The following PAK1IP1 variants were observed in gnomAD, a reference collection of about 807,000 sequenced individuals.
PAK1IP1 encodes the protein PAK1 interacting protein 1, also known as p21-activated protein kinase-interacting protein 1.
In PAK1IP1, 24 loss-of-function variants were observed where a neutral mutation model predicts 42.0. That is an observed-to-expected ratio of 0.57 (90% CI 0.41 to 0.80). PAK1IP1 has a LOEUF of 0.80. PAK1IP1 is among the 30% of genes least tolerant of loss of function. The pLI is 0.00. For synonymous variants in PAK1IP1, 154 were observed against 156.7 expected (o/e 0.98, Z 0.13); for missense variants, 411 against 467.9 (o/e 0.88, Z 1.12).
Position 10,702,469 on chromosome 6 carries a change from G to A in PAK1IP1, c.348G>A (p.Leu116=). The part of the protein sequence containing the change: ...CIWDAKKWEC[L]KSIKAHKGQV... ...GGGATGCAAAGAAATGGGAATGCCT[G>A]AAGTCAATTAAAGCTCACAAGTGAG... is the stretch of plus-strand genomic sequence containing the variant. Residue 116 remains leucine, a synonymous_variant, in exon 3 of 10, where the codon CTG becomes CTA. Transcript: ENST00000379568. The A allele has an allele frequency of 6.2e-7, 1 of 1,614,156 alleles. No homozygotes were observed. Among genetic ancestry groups the A allele is most frequent in the South Asian group, 1.1e-5 (1 of 91,076 alleles).
chr6:10,698,854 G>A (rs1769938896), intron 2 of PAK1IP1, among the ~76,000 whole-genome samples: 1 of 152,238 alleles, frequency 6.6e-6, no homozygotes, highest in African/African-American at 2.4e-5. Flanking sequence ...TGAGTTACAA[G>A]AGAATTAAGA....
chr6:10,702,273 T>C (rs765808210), intron 2 of PAK1IP1, 96 bp from the exon 3 acceptor site: 4 of 939,744 alleles, frequency 4.3e-6, no homozygotes, highest in Non-Finnish European at 6.5e-6. Context: ...AAAAAAGGTA[T>C]TGAGTGTTTT....
upstream of PAK1IP1, chr6:10,694,476 A>C (rs182850994): frequency 1.2e-3 from 183 of 155,026 alleles, no homozygotes; most frequent in East Asian, 0.011. Flanking sequence ...CGCGAACCCT[A>C]ATCCCACCCC....
chr6:10,694,588 TACAGC>T, upstream of PAK1IP1: 1 of 176,920 alleles, frequency 5.7e-6, no homozygotes, highest in Non-Finnish European at 1.2e-5. Context: ...CTGCCGGCGC[TACAGC>T]CCCTAAGCAA....
upstream of PAK1IP1, among the ~76,000 whole-genome samples, chr6:10,692,258 G>A (rs1769385716): frequency 6.6e-6 from 1 of 152,190 alleles, no homozygotes; most frequent in African/African-American, 2.4e-5. Context: ...AAGATAAAAT[G>A]TGAAACTTAC....
Position 10,704,492 on chromosome 6 carries a change from T to A in PAK1IP1, c.497-15T>A. 1 of 1,505,166 alleles carries A rather than the reference T, an allele frequency of 6.6e-7. No individual in the cohort carries two copies. The highest frequency in any genetic ancestry group is 9.0e-7 in the Non-Finnish European group (1 of 1,113,844). 93.2% of individuals were successfully genotyped at this position (1,505,166 alleles called of 1,614,324 possible). ...ATTTACAAAATAAATAAACTTCGTT[T>A]TTTTCCACTTACAGATGCTCACATA... On this transcript the variant is annotated splice_polypyrimidine_tract_variant and intron_variant, in intron 5 of 9. Transcript: ENST00000379568.
chr6:10,694,494 C>G (rs1311072909), upstream of PAK1IP1: 2 of 156,752 alleles, frequency 1.3e-5, no homozygotes. Context: ...CCCTCCTTAC[C>G]CTATTAACGA....
upstream of PAK1IP1, among the ~76,000 whole-genome samples, chr6:10,691,834 GT>G (rs530591718): frequency 6.6e-6 from 1 of 151,134 alleles, no homozygotes; most frequent in Non-Finnish European, 1.5e-5. Flanking sequence ...AAGTTTTGGG[GT>G]TTTTTTTTCT....
chr6:10,704,909 A>G, intron 7 of PAK1IP1, 65 bp downstream of exon 7: 1 of 952,038 alleles, frequency 1.1e-6, no homozygotes, highest in East Asian at 2.4e-5. Flanking sequence ...CAGTAGTTTC[A>G]TAAGCCAGGT....
In PAK1IP1 at chr6:10,709,077, G is replaced by A; in HGVS notation, c.964+1G>A. 6.2e-7 allele frequency: 1 copy of A among 1,608,832 alleles called. No individual in the cohort carries two copies. The highest frequency in any genetic ancestry group is 8.5e-7 in the Non-Finnish European group (1 of 1,178,416). Reference sequence around the variant, plus strand: ...CCTCCAGCTGCAGAGCCTTCTCCTGGTAATCGAATTTGATTGTTTTGAAAT... The same window carrying A: ...CCTCCAGCTGCAGAGCCTTCTCCTGATAATCGAATTTGATTGTTTTGAAAT... On this transcript the variant is annotated splice_donor_variant, in intron 9 of 9. Coordinates refer to ENST00000379568, the MANE Select transcript of PAK1IP1 (RefSeq NM_017906.3). LOFTEE classifies it high-confidence loss of function.
intron 7 of PAK1IP1, among the ~76,000 whole-genome samples, chr6:10,705,564 G>A (rs1215815714): frequency 2.0e-5 from 3 of 151,688 alleles, no homozygotes; most frequent in African/African-American, 7.3e-5. Flanking sequence ...TGACGTTATT[G>A]AGTTCCTGTT....
chr6:10,704,118 G>A (rs1467579275), intron 5 of PAK1IP1, among the ~76,000 whole-genome samples: 1 of 152,040 alleles, frequency 6.6e-6, no homozygotes, highest in Non-Finnish European at 1.5e-5. Flanking sequence ...TGCCTTCTGA[G>A]TTCGTTATTC....
upstream of PAK1IP1, among the ~76,000 whole-genome samples, chr6:10,692,022 T>G (rs1038344924): frequency 9.9e-5 from 15 of 152,164 alleles, no homozygotes; most frequent in African/African-American, 3.6e-4. Context: ...AAGCTAAAAT[T>G]TATTTTAAAA....
chr6:10,697,596 T>C (rs977539888), intron 2 of PAK1IP1, 110 bp downstream of exon 2: 5 of 864,882 alleles, frequency 5.8e-6, no homozygotes, highest in Non-Finnish European at 8.8e-6. Flanking sequence ...TGCTAGAAGA[T>C]AGAGGAATTT....
upstream of PAK1IP1, chr6:10,694,957 G>C (rs982565372): frequency 2.6e-6 from 4 of 1,529,772 alleles, no homozygotes; most frequent in Non-Finnish European, 3.6e-6. Context: ...GCTGAGCCGG[G>C]CTGGCGGAAG....
intron 2 of PAK1IP1, among the ~76,000 whole-genome samples, chr6:10,697,864 C>G (rs2127478795): frequency 6.7e-6 from 1 of 150,342 alleles, no homozygotes; most frequent in South Asian, 2.1e-4. Context: ...GCATGCCAGC[C>G]TGGGCAACAG....
intron 8 of PAK1IP1, among the ~76,000 whole-genome samples, chr6:10,707,728 C>G (rs182001839): frequency 6.6e-6 from 1 of 152,120 alleles, no homozygotes; most frequent in Non-Finnish European, 1.5e-5. Context: ...CCAGAACTCG[C>G]GCTGCTCTTT....
rs916074390 is a variant in PAK1IP1, at chr6:10,704,559, A to G, written c.549A>G (p.Ile183Met). The G allele has an allele frequency of 6.3e-7, 1 of 1,599,618 alleles. No homozygotes were observed. Among genetic ancestry groups the G allele is most frequent in the African/African-American group, 1.3e-5 (1 of 74,776 alleles). ...SPRGEQYVVI[I>M]QNKIDIYQLD... is the part of the protein sequence containing the mutation. ...GAGGAGAGCAGTATGTAGTTATCAT[A>G]CAGAATAAAATAGACATCTATCAGC... Residue 183 changes from isoleucine (I) to methionine (M), a missense_variant, in exon 6 of 10, where the codon ATA becomes ATG. Physicochemically the swap from Ile to Met is conservative, Grantham distance 10. Coordinates refer to ENST00000379568, the MANE Select transcript of PAK1IP1 (RefSeq NM_017906.3).
At chr6:10,694,831 G>GT (rs113971540), upstream of PAK1IP1, 23,329 of 590,086 alleles carry the variant, frequency 0.04, 2,803 homozygotes, top group African/African-American at 0.31. Flanking sequence ...GTGTTTCCAC[G>GT]TTACAGGCGA....
Sources: gnomAD v4.1 joint callset for allele counts (sites outside exome capture counted in the v4.1 genomes callset) on GRCh38, gnomAD v4.1.1 for gene constraint, MANE v1.5 for transcripts, NCBI Gene and HGNC (gene_info 2026-07-23, HGNC 2026-07-21) for gene names.